The following RICTOR variants were observed in gnomAD, a reference collection of about 807,000 sequenced individuals.
RICTOR encodes rapamycin-insensitive companion of mTOR.
Under a neutral mutation model 214.9 loss-of-function variants are expected in RICTOR, and 49 were observed. The ratio of observed to expected loss-of-function variants is 0.23; its 90% CI spans 0.18 to 0.29. RICTOR has a LOEUF of 0.29. RICTOR is among the 10% of genes least tolerant of loss of function. The pLI, the probability that RICTOR is intolerant of heterozygous loss-of-function variation, is 1.00. For synonymous variants in RICTOR, 717 were observed against 711.3 expected, an observed-to-expected ratio of 1.01 and a Z score of -0.13; for missense variants, 1,625 against 2,047.0, an observed-to-expected ratio of 0.79 and a Z score of 3.98.
chr5:39,035,543 G>A (rs1341797987), intron 2 of RICTOR, among the ~76,000 whole-genome samples: 1 of 152,028 alleles, frequency 6.6e-6, no homozygotes, highest in Non-Finnish European at 1.5e-5. Flanking sequence ...GAGGAAGTTC[G>A]AACCAATGGC....
chr5:38,977,555 G>A (rs78352030), intron 9 of RICTOR, among the ~76,000 whole-genome samples: 2,778 of 147,372 alleles, frequency 0.019, 97 homozygotes, highest in African/African-American at 0.066. Flanking sequence ...GTGAGAATGA[G>A]TTCACAATGA....
chr5:38,995,222 T>C (rs1438543924), intron 6 of RICTOR, among the ~76,000 whole-genome samples: 1 of 152,178 alleles, frequency 6.6e-6, no homozygotes, highest in Non-Finnish European at 1.5e-5. Flanking sequence ...CTATGGAATA[T>C]TACTCAGCCA....
At chr5:39,049,405 A>G (rs971915555) in intron 2 of RICTOR, among the ~76,000 whole-genome samples, 20 of 152,202 alleles carry the variant, frequency 1.3e-4, no homozygotes, top group Non-Finnish European at 1.5e-5. Context: ...GTCACACAGT[A>G]AACACTTTAG....
chr5:39,069,208 T>C (rs976404678), intron 2 of RICTOR, among the ~76,000 whole-genome samples: 4 of 152,210 alleles, frequency 2.6e-5, no homozygotes, highest in African/African-American at 9.6e-5. Flanking sequence ...TTACAAGACT[T>C]TGTTAAGCAA....
intron 2 of RICTOR, among the ~76,000 whole-genome samples, chr5:39,039,567 T>G (rs921214939): frequency 6.6e-6 from 1 of 152,206 alleles, no homozygotes; most frequent in African/African-American, 2.4e-5. Context: ...AACCTACTCA[T>G]CTGACAAAGG....
chr5:39,045,904 C>A (rs1403210229), intron 2 of RICTOR, among the ~76,000 whole-genome samples: 1 of 151,902 alleles, frequency 6.6e-6, no homozygotes, highest in Non-Finnish European at 1.5e-5. Flanking sequence ...TATGTTGTTA[C>A]CGTATTATTT....
chr5:39,036,697 G>A (rs937503679), intron 2 of RICTOR, among the ~76,000 whole-genome samples: 8 of 151,970 alleles, frequency 5.3e-5, no homozygotes, highest in South Asian at 2.1e-4. Flanking sequence ...CTTTAAACCA[G>A]CAAAGATCAA....
rs1579909822 is a variant in RICTOR, at chr5:38,957,548, A to G, written c.2499+104T>C. On this transcript the variant is annotated intron_variant, in intron 25 of 37. Coordinates refer to ENST00000357387, the MANE Select transcript of RICTOR (RefSeq NM_152756.5). ...TATTGATGTTTAAATATTTAACCTT[A>G]TTAATTTCAAAACACTGATATAAAA... The G allele has an allele frequency of 4.2e-6, 3 of 706,230 alleles. No homozygotes were observed. In the East Asian group the frequency reaches 7.8e-5, roughly 18 times the overall value. 43.7% of individuals were successfully genotyped at this position (706,230 alleles called of 1,614,324 possible).
At chr5:38,968,092 G>A in intron 11 of RICTOR, 62 bp from the exon 12 acceptor site, 2 of 903,160 alleles carry the variant, frequency 2.2e-6, no homozygotes, top group Non-Finnish European at 3.7e-6. Flanking sequence ...ATTTTTAAAT[G>A]TCCTATTCAC....
rs532425681 is a variant in RICTOR at position 39,017,105 on chromosome 5, G to T, written c.195+3934C>A. Among the ~76,000 whole-genome samples the T allele has an allele frequency of 3.3e-5, 5 of 152,142 alleles. No homozygotes were observed. In the East Asian group the frequency reaches 9.7e-4, roughly 29 times the overall value. ...TAAGATTGCTGTAAGACCCATGCTAGTAACAAAGTAAAATAACAGGAATTA... is the reference window on the plus strand; with the variant it reads ...TAAGATTGCTGTAAGACCCATGCTATTAACAAAGTAAAATAACAGGAATTA... On this transcript the variant is annotated intron_variant, in intron 3 of 37. Coordinates refer to ENST00000357387, the MANE Select transcript of RICTOR (RefSeq NM_152756.5).
intron 36 of RICTOR, 38 bp downstream of exon 36, chr5:38,944,408 G>C (rs1747946337): frequency 1.9e-6 from 3 of 1,574,790 alleles, no homozygotes; most frequent in Non-Finnish European, 2.6e-6. Flanking sequence ...TTAAAAAACA[G>C]AATAAACAAA....
At chr5:38,977,476 T>C (rs1422723627) in intron 9 of RICTOR, among the ~76,000 whole-genome samples, 1 of 152,000 alleles carries the variant, frequency 6.6e-6, no homozygotes, top group Non-Finnish European at 1.5e-5. Context: ...TTTGCAGGAA[T>C]AAGTTTGAGA....
chr5:39,044,911 T>C (rs1158638405), intron 2 of RICTOR, among the ~76,000 whole-genome samples: 1 of 152,166 alleles, frequency 6.6e-6, no homozygotes, highest in Non-Finnish European at 1.5e-5. Context: ...GCCTAACCAT[T>C]CCCCTTACCT....
In RICTOR at chr5:38,967,106, G is replaced by A. The variant is rs1487102295; in HGVS notation, c.1218+55C>T. 21 of 1,346,870 alleles carry A rather than the reference G, an allele frequency of 1.6e-5. No individual in the cohort carries two copies. In the South Asian group the frequency reaches 2.2e-4, roughly 14 times the overall value. 83.4% of individuals were successfully genotyped at this position (1,346,870 alleles called of 1,614,324 possible). Reference sequence around the variant, plus strand: ...GTGAGTCACCACACCTGGCATGAAAGAATCTGTTAGAGAAAATAAACAAAA... The same window carrying A: ...GTGAGTCACCACACCTGGCATGAAAAAATCTGTTAGAGAAAATAAACAAAA... On this transcript the variant is annotated intron_variant, in intron 14 of 37. Coordinates refer to ENST00000357387, the MANE Select transcript of RICTOR (RefSeq NM_152756.5).
intron 2 of RICTOR, among the ~76,000 whole-genome samples, chr5:39,056,021 T>C (rs1020667457): frequency 2.0e-5 from 3 of 152,204 alleles, no homozygotes; most frequent in Non-Finnish European, 2.9e-5. Flanking sequence ...AAAGTACTTC[T>C]CTTAACCCAG....
At chr5:38,963,362 GC>G (rs1749954818) in intron 16 of RICTOR, among the ~76,000 whole-genome samples, 1 of 151,850 alleles carries the variant, frequency 6.6e-6, no homozygotes, top group African/African-American at 2.4e-5. Flanking sequence ...AAATTTTAAA[GC>G]TTTGCTTTTC....
At chr5:38,949,530 C>T (rs116407384) in intron 31 of RICTOR, 182 bp downstream of exon 31, 19,673 of 1,138,178 alleles carry the variant, frequency 0.017, 256 homozygotes, top group Non-Finnish European at 0.022. Flanking sequence ...CTTCCCCCCT[C>T]GCAGCTGCAA....
chr5:38,968,199 C>G (rs1750394236), intron 11 of RICTOR, among the ~76,000 whole-genome samples, 169 bp from the exon 12 acceptor site: 2 of 152,004 alleles, frequency 1.3e-5, no homozygotes, highest in South Asian at 4.1e-4. Flanking sequence ...TGGTCGTTCC[C>G]TAAGATTATG....
rs1049754097 is a variant in RICTOR at position 38,941,568 on chromosome 5, A to T, written c.*736T>A. On this transcript the variant is annotated 3_prime_UTR_variant, in exon 38 of 38. Coordinates refer to ENST00000357387, the MANE Select transcript of RICTOR (RefSeq NM_152756.5). ...ATATTTTTAATTAAAATAAAAAATG[A>T]TTTTTAAATTTTATTCAAGAACTGT... 1 of 231,168 alleles carries T rather than the reference A, an allele frequency of 4.3e-6. No individual in the cohort carries two copies. The highest frequency in any genetic ancestry group is 2.2e-5 in the African/African-American group (1 of 45,236). The allele number at this position is 231,168 out of a possible 1,614,324, so 14.3% of individuals were successfully genotyped here. A position where few individuals can be genotyped will look rare whatever the true frequency, so the allele number is the denominator to read the frequency against.
Sources: gnomAD v4.1 joint callset for allele counts (sites outside exome capture counted in the v4.1 genomes callset) on GRCh38, gnomAD v4.1.1 for gene constraint, MANE v1.5 for transcripts, NCBI Gene and HGNC (gene_info 2026-07-23, HGNC 2026-07-21) for gene names.